The following RARB variants were observed in gnomAD, a reference collection of about 807,000 sequenced individuals.
RARB encodes HBV-activated protein.
A neutral mutation model predicts 51.9 loss-of-function variants in RARB; 17 were observed. The observed-to-expected ratio is 0.33, with a 90% confidence interval of 0.22 to 0.49. The LOEUF (loss-of-function observed/expected upper bound fraction) is 0.49, where lower values mean the gene tolerates loss of function less well. Ranked by LOEUF, RARB falls within the 20% of genes least tolerant of loss-of-function variation. The pLI is 0.99. For missense variants in RARB, 369 were observed against 550.8 expected (o/e 0.67, Z 3.30); for synonymous variants, 215 against 195.4 (o/e 1.10, Z -0.84).
At chr3:24,850,982 G>A (rs999599400) in intron 1 of RARB, among the ~76,000 whole-genome samples, 5 of 152,196 alleles carry the variant, frequency 3.3e-5, no homozygotes, top group African/African-American at 9.7e-5. Flanking sequence ...AGGGAATGAA[G>A]TTATCCTTTC....
At chr3:25,409,888 T>A (rs538979827) in intron 5 of RARB, among the ~76,000 whole-genome samples, 2 of 152,240 alleles carry the variant, frequency 1.3e-5, no homozygotes, top group Non-Finnish European at 2.9e-5. Flanking sequence ...AATCCTTCAG[T>A]GTTCTTTATC....
At chr3:25,509,969 C>A (rs897699785) in intron 3 of RARB, among the ~76,000 whole-genome samples, 4 of 152,226 alleles carry the variant, frequency 2.6e-5, no homozygotes, top group African/African-American at 7.2e-5. Context: ...CACCCTGTGG[C>A]CTCCTCAGCA....
rs149289951 is a variant in RARB at position 25,280,369 on chromosome 3, G to A, written c.178+105794G>A. Among the ~76,000 whole-genome samples, 223 of 152,256 alleles carry A rather than the reference G, an allele frequency of 1.5e-3. 1 individual carries two copies. Among genetic ancestry groups the A allele is most frequent in the South Asian group, 8.9e-3 (43 of 4,810 alleles). On this transcript the variant is annotated intron_variant, in intron 5 of 11. Transcript: ENST00000383772. Reference sequence around the variant, plus strand: ...TTCAGGGGAGAAGGATGAGGAGAAGGTGAGAGTGACTTTGCTGCTTCTGCT... The same window carrying A: ...TTCAGGGGAGAAGGATGAGGAGAAGATGAGAGTGACTTTGCTGCTTCTGCT...
chr3:25,308,088 A>T (rs2125431618), intron 5 of RARB, among the ~76,000 whole-genome samples: 1 of 152,316 alleles, frequency 6.6e-6, no homozygotes, highest in African/African-American at 2.4e-5. Context: ...GTAGGTACAG[A>T]TGTCCAGCAG....
chr3:25,156,654 C>G (rs547992537), intron 4 of RARB, among the ~76,000 whole-genome samples: 2 of 150,824 alleles, frequency 1.3e-5, no homozygotes, highest in Admixed American at 6.6e-5. Context: ...AATGGAGATG[C>G]TCTCGTTCCT....
At chr3:25,126,941 C>T (rs1179722549) in intron 3 of RARB, among the ~76,000 whole-genome samples, 4 of 152,114 alleles carry the variant, frequency 2.6e-5, no homozygotes, top group African/African-American at 9.7e-5. Flanking sequence ...TTCAATGCAA[C>T]TTCCATCAAA....
chr3:24,841,838 A>G (rs1702425017), intron 1 of RARB, among the ~76,000 whole-genome samples: 1 of 152,208 alleles, frequency 6.6e-6, no homozygotes, highest in Admixed American at 6.5e-5. Context: ...TTTAGAAATT[A>G]TTATTTTACA....
chr3:25,338,975 C>T (rs1344678369), intron 5 of RARB, among the ~76,000 whole-genome samples: 1 of 152,134 alleles, frequency 6.6e-6, no homozygotes, highest in African/African-American at 2.4e-5. Flanking sequence ...GTGCTCACTA[C>T]TTTCCATATA....
At chr3:24,829,531 G>A (rs1702252101) in intron 1 of RARB, among the ~76,000 whole-genome samples, 1 of 152,166 alleles carries the variant, frequency 6.6e-6, no homozygotes, top group Non-Finnish European at 1.5e-5. Context: ...GGGACCGGCT[G>A]CCTAGCAGGG....
At chr3:25,562,435 A>G (rs182381410) in intron 3 of RARB, among the ~76,000 whole-genome samples, 311 of 152,316 alleles carry the variant, frequency 2.0e-3, no homozygotes, top group African/African-American at 7.3e-3. Flanking sequence ...TGTCACAAAC[A>G]CGAAGCCACA....
chr3:25,122,299 T>C lies in RARB; in HGVS notation c.-327-9862T>C, dbSNP rs142405005. Among the ~76,000 whole-genome samples the C allele has an allele frequency of 3.6e-4, 55 of 152,194 alleles. 2 individuals carry two copies. Among genetic ancestry groups the C allele is most frequent in the Admixed American group, 3.4e-3 (52 of 15,266 alleles). On this transcript the variant is annotated intron_variant, in intron 3 of 11. Transcript: ENST00000383772. ...AAATTGTATTAGTAATGATTAAGAA[T>C]AAAATGCAAATATTTCTCTCAATTT...
intron 1 of RARB, among the ~76,000 whole-genome samples, chr3:24,854,726 T>C (rs1031965839): frequency 1.3e-5 from 2 of 152,158 alleles, no homozygotes; most frequent in African/African-American, 4.8e-5. Flanking sequence ...TTTAGTAGCA[T>C]TCCTGGCCCC....
chr3:24,830,121 G>A (rs1362336577), intron 1 of RARB, among the ~76,000 whole-genome samples: 1 of 152,162 alleles, frequency 6.6e-6, no homozygotes, highest in Non-Finnish European at 1.5e-5. Context: ...GGAGGCTGAG[G>A]CTCTAAGCCT....
At chr3:24,929,952 CTT>C (rs764237665) in intron 2 of RARB, among the ~76,000 whole-genome samples, 2 of 151,960 alleles carry the variant, frequency 1.3e-5, no homozygotes, top group African/African-American at 2.4e-5. Flanking sequence ...TGTTTTTTCT[CTT>C]GTTTCTGATT....
At chr3:25,073,521 G>C (rs1698812266) in intron 3 of RARB, among the ~76,000 whole-genome samples, 1 of 152,106 alleles carries the variant, frequency 6.6e-6, no homozygotes, top group Non-Finnish European at 1.5e-5. Flanking sequence ...TTTATTGCAG[G>C]GTTTCTCAGA....
chr3:25,359,411 T>A (rs531015158), intron 5 of RARB, among the ~76,000 whole-genome samples: 4,973 of 151,474 alleles, frequency 0.033, 262 homozygotes, highest in African/African-American at 0.11. Flanking sequence ...TGTTAATTTT[T>A]TAAAAAAATA....
At chr3:25,392,730 A>G (rs1465499403) in intron 5 of RARB, among the ~76,000 whole-genome samples, 1 of 152,070 alleles carries the variant, frequency 6.6e-6, no homozygotes, top group Non-Finnish European at 1.5e-5. Context: ...ATTTGTGTAC[A>G]TTGATTTTGT....
chr3:25,296,597 G>A (rs1291702825), intron 5 of RARB, among the ~76,000 whole-genome samples: 3 of 152,072 alleles, frequency 2.0e-5, no homozygotes, highest in Non-Finnish European at 4.4e-5. Flanking sequence ...ATTATTCAGT[G>A]GTAAAGGTCT....
Position 25,106,451 on chromosome 3 carries a change from G to GGTTTTTTTTTTTTTGTTTTTT in RARB, c.-327-25710_-327-25709insGTTTTTTTTTTTTTGTTTTTT, listed in dbSNP as rs1575163102. ...CCACCATGCCCAGCTACTGTTTTTT[G>GGTTTTTTTTTTTTTGTTTTTT]TTTTTTGTTTTTTTTTGTTTTGTTT... On this transcript the variant is annotated intron_variant, in intron 3 of 11. Coordinates refer to the RARB transcript ENST00000383772. 1.1e-4 allele frequency among the ~76,000 whole-genome samples: 8 copies of GGTTTTTTTTTTTTTGTTTTTT among 70,552 alleles called. 1 individual carries two copies. The highest frequency in any genetic ancestry group is 4.3e-4 in the African/African-American group (7 of 16,184). 46.3% of individuals were successfully genotyped at this position (70,552 alleles called of 152,430 possible).
Sources: allele counts gnomAD v4.1 joint callset (sites outside exome capture counted in the v4.1 genomes callset), GRCh38; gene constraint gnomAD v4.1.1; transcripts MANE v1.5; gene names NCBI Gene and HGNC (gene_info 2026-07-23, HGNC 2026-07-21).